CA5A: variants seen among roughly 807,000 people sequenced by gnomAD.
The protein encoded by CA5A is carbonic anhydrase 5A, mitochondrial.
Under a neutral mutation model 37.1 loss-of-function variants are expected in CA5A, and 28 were observed. The observed-to-expected ratio is 0.75, with a 90% CI of 0.56 to 1.03. The LOEUF (loss-of-function observed/expected upper bound fraction) is 1.03. Ranked by LOEUF, CA5A falls within the 50% of genes least tolerant of loss-of-function variation. The probability of loss-of-function intolerance (pLI) is 0.00; values close to 1 mark genes in which losing one functional copy is unlikely to be tolerated. For missense variants in CA5A, 444 were observed against 399.9 expected (o/e 1.11, Z -0.94); for synonymous variants, 171 against 158.4 (o/e 1.08, Z -0.60).
At chr16:87,936,264 G>A in intron 1 of CA5A, 45 bp downstream of exon 1, 1 of 1,407,162 alleles carries the variant, frequency 7.1e-7, no homozygotes. Context: ...CATCAGCTAA[G>A]ACAAGGATCC....
intron 2 of CA5A, among the ~76,000 whole-genome samples, chr16:87,914,767 C>A (rs2056108623): frequency 1.3e-5 from 2 of 152,160 alleles, no homozygotes; most frequent in Admixed American, 1.3e-4. Flanking sequence ...CAGCTGGCGG[C>A]TGGGCTTGGG....
rs375319311 is a variant in CA5A at position 87,910,409 on chromosome 16, A to T, written c.341-5505T>A. On this transcript the variant is annotated intron_variant, in intron 2 of 6. Transcript: ENST00000649794. ...CCAACTTTGAGATGAGGAAATTGAGACGCAGAGAGGTTCGGTCACCTGCCC... is the reference window on the plus strand; with the variant it reads ...CCAACTTTGAGATGAGGAAATTGAGTCGCAGAGAGGTTCGGTCACCTGCCC... Among the ~76,000 whole-genome samples the T allele has an allele frequency of 3.3e-5, 5 of 152,070 alleles. No homozygotes were observed. The East Asian group carries it at 5.8e-4, about 18-fold the overall frequency.
intron 6 of CA5A, among the ~76,000 whole-genome samples, chr16:87,888,691 T>C (rs1197806959): frequency 6.6e-6 from 1 of 152,196 alleles, no homozygotes; most frequent in African/African-American, 2.4e-5. Context: ...TGAAAGATGG[T>C]AAGCCAGAGC....
In CA5A at chr16:87,900,359, G is replaced by T. The variant is rs2055861473; in HGVS notation, c.618+1553C>A. Among the ~76,000 whole-genome samples, 7 of 152,286 alleles carry T rather than the reference G, an allele frequency of 4.6e-5. No homozygotes were observed. The South Asian group carries it at 1.0e-3, about 23-fold the overall frequency. ...AGATGGGGCGGCAGGGGGTGATCTG[G>T]TCCCAGTCCCAGGAGGCCACCCCGA... On this transcript the variant is annotated intron_variant, in intron 5 of 6. Transcript: ENST00000649794.
intron 5 of CA5A, among the ~76,000 whole-genome samples, chr16:87,898,283 C>G (rs577929292): frequency 6.6e-6 from 1 of 152,196 alleles, no homozygotes; most frequent in Non-Finnish European, 1.5e-5. Context: ...CAGGTGAGCC[C>G]GTCCCTGGGT....
chr16:87,920,034 C>G (rs555371050), intron 2 of CA5A, among the ~76,000 whole-genome samples: 3 of 152,254 alleles, frequency 2.0e-5, no homozygotes, highest in African/African-American at 7.2e-5. Context: ...TCAGGAGGGC[C>G]GGGCTTACCT....
chr16:87,913,231 G>A (rs1164590199), intron 2 of CA5A, among the ~76,000 whole-genome samples: 3 of 151,642 alleles, frequency 2.0e-5, no homozygotes, highest in Admixed American at 1.3e-4. Context: ...CACCTGCCTC[G>A]GCCTCCCAAA....
chr16:87,905,987 T>A (rs1328146604), intron 2 of CA5A, among the ~76,000 whole-genome samples: 5 of 151,982 alleles, frequency 3.3e-5, no homozygotes, highest in Admixed American at 6.6e-5. Context: ...GTGCTGGGAG[T>A]CTGCCTTTTA....
In CA5A at chr16:87,899,919, CAAAAAAAAAAAA is replaced by C. The variant is rs565557401; in HGVS notation, c.618+1981_618+1992del. On this transcript the variant is annotated intron_variant, in intron 5 of 6. Coordinates refer to ENST00000649794, the MANE Select transcript of CA5A (RefSeq NM_001739.2). The stretch of plus-strand genomic sequence containing the variant: ...TGGGCAACAGAGCGAGATTTTATCT[CAAAAAAAAAAAA>C]AAAAAAAAAAAAAAAAAAAAAGAGT... Among the ~76,000 whole-genome samples, 43 of 46,528 alleles carry C rather than the reference CAAAAAAAAAAAA, an allele frequency of 9.2e-4. 1 individual carries two copies. The highest frequency in any genetic ancestry group is 5.6e-3 in the East Asian group (6 of 1,064). 30.5% of individuals were successfully genotyped at this position (46,528 alleles called of 152,430 possible).
At chr16:87,924,396 T>A in intron 2 of CA5A, 1 of 816,880 alleles carries the variant, frequency 1.2e-6, no homozygotes, top group Non-Finnish European at 1.5e-6. Flanking sequence ...ATGCACTGTG[T>A]AGGGCCTGGC....
At chr16:87,894,771 C>T (rs960088918) in intron 5 of CA5A, among the ~76,000 whole-genome samples, 2 of 151,756 alleles carry the variant, frequency 1.3e-5, no homozygotes, top group African/African-American at 2.4e-5. Flanking sequence ...CGCAGCTGCT[C>T]GGGAGACTGA....
At chr16:87,888,690 G>A (rs8055474) in intron 6 of CA5A, among the ~76,000 whole-genome samples, 8,148 of 152,218 alleles carry the variant, frequency 0.054, 754 homozygotes, top group African/African-American at 0.19. Flanking sequence ...ATGAAAGATG[G>A]TAAGCCAGAG....
chr16:87,929,309 A>C (rs897492328), intron 1 of CA5A, among the ~76,000 whole-genome samples: 1 of 151,186 alleles, frequency 6.6e-6, no homozygotes, highest in Non-Finnish European at 1.5e-5. Flanking sequence ...AAAATTAGCC[A>C]GGCGTGGTGG....
chr16:87,909,808 TA>T (rs1368722580), intron 2 of CA5A, among the ~76,000 whole-genome samples: 6 of 152,182 alleles, frequency 3.9e-5, no homozygotes, highest in African/African-American at 1.4e-4. Context: ...CGTATTTCTT[TA>T]AAAACTGGAA....
At chr16:87,892,210 T>C in intron 5 of CA5A, 1 of 359,782 alleles carries the variant, frequency 2.8e-6, no homozygotes, top group Non-Finnish European at 5.0e-6. Context: ...GCTCACATTT[T>C]TCCTTTTGAA....
intron 2 of CA5A, among the ~76,000 whole-genome samples, chr16:87,913,347 G>C (rs1401542405): frequency 1.4e-5 from 2 of 144,172 alleles, no homozygotes; most frequent in East Asian, 4.0e-4. Flanking sequence ...CTGTCACCCA[G>C]GCTGGAGTGC....
chr16:87,932,071 G>C (rs2056414100), intron 1 of CA5A, among the ~76,000 whole-genome samples: 1 of 152,006 alleles, frequency 6.6e-6, no homozygotes, highest in African/African-American at 2.4e-5. Context: ...CTGAGATTGC[G>C]CTATTGCACG....
At chr16:87,916,997 C>T (rs565106818) in intron 2 of CA5A, among the ~76,000 whole-genome samples, 7 of 150,458 alleles carry the variant, frequency 4.7e-5, no homozygotes, top group South Asian at 2.1e-4. Flanking sequence ...CCCAGTTACT[C>T]GGGAGGCTGA....
At chr16:87,904,213 G>A (rs1332306140) in intron 3 of CA5A, among the ~76,000 whole-genome samples, 5 of 151,914 alleles carry the variant, frequency 3.3e-5, no homozygotes, top group Non-Finnish European at 7.4e-5. Context: ...CTGGTGGCAC[G>A]CACCTGTAAT....
Sources: allele counts gnomAD v4.1 joint callset (sites outside exome capture counted in the v4.1 genomes callset), GRCh38; gene constraint gnomAD v4.1.1; transcripts MANE v1.5; gene names NCBI Gene and HGNC (gene_info 2026-07-23, HGNC 2026-07-21).